ZNF697: variants seen among roughly 807,000 people sequenced by gnomAD.
The protein encoded by ZNF697 is zinc finger protein 697.
Under a neutral mutation model 32.4 loss-of-function variants are expected in ZNF697, and 23 were observed. That is an observed-to-expected ratio of 0.71 (90% confidence interval 0.51 to 1.01). ZNF697 has a LOEUF of 1.01. ZNF697 is among the 50% of genes least tolerant of loss of function. The pLI is 0.00. For synonymous variants in ZNF697, 418 were observed against 337.2 expected (o/e 1.24, Z -2.62); for missense variants, 930 against 794.0 (o/e 1.17, Z -2.06).
intron 1 of ZNF697, among the ~76,000 whole-genome samples, chr1:119,644,052 G>A (rs1340728335): frequency 2.0e-5 from 3 of 152,192 alleles, no homozygotes; most frequent in Non-Finnish European, 4.4e-5. Context: ...ATGCCAGGTT[G>A]TGTTCTGGAC....
chr1:119,624,832 C>T (rs1333899072), intron 2 of ZNF697, among the ~76,000 whole-genome samples: 2 of 152,096 alleles, frequency 1.3e-5, no homozygotes, highest in Non-Finnish European at 2.9e-5. Flanking sequence ...ACCTCGTTTT[C>T]TGCCCACCTC....
chr1:119,631,348 T>C (rs1648761671), intron 1 of ZNF697, among the ~76,000 whole-genome samples: 1 of 152,310 alleles, frequency 6.6e-6, no homozygotes, highest in East Asian at 1.9e-4. Flanking sequence ...GAGAGGTAAA[T>C]CAGGGTGACC....
intron 1 of ZNF697, 109 bp from the exon 2 acceptor site, chr1:119,626,246 G>T: frequency 7.2e-7 from 1 of 1,393,724 alleles, no homozygotes; most frequent in South Asian, 1.5e-5. Flanking sequence ...CCAAGCCCCA[G>T]ATGGCAAACC....
chr1:119,621,629 G>A lies in ZNF697; in HGVS notation c.*1076C>T, dbSNP rs10802124. 0.67 allele frequency: 102,817 copies of A among 152,394 alleles called. 35,469 individuals carry two copies. The highest frequency in any genetic ancestry group is 0.82 in the African/African-American group (34,221 of 41,508). 9.4% of individuals were successfully genotyped at this position (152,394 alleles called of 1,614,324 possible). On this transcript the variant is annotated 3_prime_UTR_variant, in exon 3 of 3. Transcript: ENST00000421812. ...TCAATATGCATGGAAGTGGGGGTTA[G>A]TGGAGGTCACTAACAAATGCAAAGT...
At chr1:119,628,358 G>T (rs1020333298) in intron 1 of ZNF697, among the ~76,000 whole-genome samples, 3 of 152,140 alleles carry the variant, frequency 2.0e-5, no homozygotes, top group African/African-American at 7.2e-5. Context: ...TGGAACAACA[G>T]AACTTTCTGA....
intron 1 of ZNF697, among the ~76,000 whole-genome samples, chr1:119,646,991 G>A (rs781672716): frequency 1.6e-4 from 23 of 146,952 alleles, no homozygotes; most frequent in African/African-American, 3.0e-4. Flanking sequence ...GGACAAACAT[G>A]CCCACTACAA....
In ZNF697 at chr1:119,623,947, T is replaced by C. The variant is rs201728582; in HGVS notation, c.396A>G (p.Glu132=). 5.3e-5 allele frequency: 85 copies of C among 1,599,714 alleles called. No homozygotes were observed. The highest frequency in any genetic ancestry group is 1.7e-4 in the Admixed American group (10 of 58,116). ...ESAGENRLEE[E]EEQPAPPVLP... ...GTACGGGAGGGGCCGGCTGCTCCTC[T>C]TCCTCCTCCAGCCGGTTCTCCCCAG... Residue 132 remains glutamate, a synonymous_variant, in exon 3 of 3, where the codon GAA becomes GAG. Transcript: ENST00000421812.
At chr1:119,630,726 G>A (rs1032731614) in intron 1 of ZNF697, among the ~76,000 whole-genome samples, 6 of 152,182 alleles carry the variant, frequency 3.9e-5, no homozygotes, top group Admixed American at 3.3e-4. Context: ...GCTGGGTGTG[G>A]TGGCACATGT....
At position 119,622,610 on chromosome 1, in the gene ZNF697, C is replaced by T. The variant is rs148278965; in HGVS notation, c.*95G>A. ...CTCCCCAGTCACTCTCAGATTGTCC[C>T]TCCCGCCCCTTCCCCACTTCCTTCC... On this transcript the variant is annotated 3_prime_UTR_variant, in exon 3 of 3. Coordinates refer to ENST00000421812, the MANE Select transcript of ZNF697 (RefSeq NM_001080470.2). The T allele has an allele frequency of 3.7e-4, 534 of 1,434,330 alleles. 3 individuals are homozygous for T. In the African/African-American group the frequency reaches 6.9e-3, roughly 19 times the overall value. 88.9% of individuals were successfully genotyped at this position (1,434,330 alleles called of 1,614,324 possible).
rs1434055435 is a variant in ZNF697, at chr1:119,621,088, T to C, written c.*1617A>G. On this transcript the variant is annotated 3_prime_UTR_variant, in exon 3 of 3. Coordinates refer to ENST00000421812, the MANE Select transcript of ZNF697 (RefSeq NM_001080470.2). ...ACAGCCCCTTACTAGAAATGGAACATAGCTAGGATACCCTAATTAGGCGAC... is the reference window on the plus strand; with the variant it reads ...ACAGCCCCTTACTAGAAATGGAACACAGCTAGGATACCCTAATTAGGCGAC... The C allele has an allele frequency of 6.6e-6, 1 of 152,192 alleles. No individual in the cohort carries two copies. The highest frequency in any genetic ancestry group is 1.9e-4 in the East Asian group (1 of 5,206). The allele number at this position is 152,192 out of a possible 1,614,324, so 9.4% of individuals were successfully genotyped here.
At chr1:119,628,540 A>G (rs1356701775) in intron 1 of ZNF697, among the ~76,000 whole-genome samples, 1 of 152,178 alleles carries the variant, frequency 6.6e-6, no homozygotes, top group Non-Finnish European at 1.5e-5. Flanking sequence ...CTCCGAAGGG[A>G]GTAGTTCCTG....
At position 119,631,422 on chromosome 1, in the gene ZNF697, T is replaced by C. The variant is rs745423505; in HGVS notation, c.-37-5285A>G. Among the ~76,000 whole-genome samples the C allele has an allele frequency of 1.1e-3, 167 of 152,206 alleles. 1 individual carries two copies. The highest frequency in any genetic ancestry group is 1.4e-3 in the Non-Finnish European group (98 of 68,022). On this transcript the variant is annotated intron_variant, in intron 1 of 2. Coordinates refer to ENST00000421812, the MANE Select transcript of ZNF697 (RefSeq NM_001080470.2). ...AACCCCAGGCGGCGTCTCTCTCAGG[T>C]AGAGACAGCAGGTGTTCCCCTCCGC...
intron 1 of ZNF697, among the ~76,000 whole-genome samples, chr1:119,645,727 TAACTC>T (rs1222578951): frequency 6.6e-6 from 1 of 152,146 alleles, no homozygotes; most frequent in Non-Finnish European, 1.5e-5. Flanking sequence ...TTGATTATAT[TAACTC>T]TACATAGTGT....
At chr1:119,624,983 G>C (rs1461982565) in intron 2 of ZNF697, among the ~76,000 whole-genome samples, 1 of 134,586 alleles carries the variant, frequency 7.4e-6, no homozygotes, top group Non-Finnish European at 1.6e-5. Flanking sequence ...TGCTATGGGT[G>C]GGGGGAGGGG....
chr1:119,634,185 T>C (rs1648858394), intron 1 of ZNF697, among the ~76,000 whole-genome samples: 2 of 152,210 alleles, frequency 1.3e-5, no homozygotes, highest in African/African-American at 2.4e-5. Context: ...CTGTAATGAA[T>C]AGCCCTCAAG....
At chr1:119,643,239 G>A (rs977753737) in intron 1 of ZNF697, among the ~76,000 whole-genome samples, 7 of 152,160 alleles carry the variant, frequency 4.6e-5, no homozygotes, top group East Asian at 1.9e-4. Flanking sequence ...CTGAAGTATC[G>A]CATGTGACCC....
intron 1 of ZNF697, among the ~76,000 whole-genome samples, chr1:119,633,956 A>G (rs1208915707): frequency 6.6e-6 from 1 of 152,228 alleles, no homozygotes; most frequent in African/African-American, 2.4e-5. Context: ...ACACTCCTAC[A>G]GCAGAAAGAC....
intron 1 of ZNF697, among the ~76,000 whole-genome samples, chr1:119,633,572 A>G (rs1648844039): frequency 6.6e-6 from 1 of 152,108 alleles, no homozygotes; most frequent in Non-Finnish European, 1.5e-5. Context: ...AGCTGATTGG[A>G]TGAGGCCCAC....
chr1:119,647,269 C>T (rs587717986), intron 1 of ZNF697, among the ~76,000 whole-genome samples: 1 of 152,216 alleles, frequency 6.6e-6, no homozygotes, highest in East Asian at 1.9e-4. Context: ...GCGCCTCACC[C>T]GTGCCTCCAT....
Sources: gnomAD v4.1 joint callset for allele counts (sites outside exome capture counted in the v4.1 genomes callset) on GRCh38, gnomAD v4.1.1 for gene constraint, MANE v1.5 for transcripts, NCBI Gene and HGNC (gene_info 2026-07-23, HGNC 2026-07-21) for gene names.